RABEP1: variants seen among roughly 807,000 people sequenced by gnomAD.
The protein encoded by RABEP1 is rab GTPase-binding effector protein 1.
In RABEP1, 51 loss-of-function variants were observed where a neutral mutation model predicts 123.4. The observed-to-expected ratio is 0.41, with a 90% CI of 0.33 to 0.52. The LOEUF (loss-of-function observed/expected upper bound fraction) is 0.52. Among genes scored for constraint, RABEP1 ranks in the 20% least tolerant of loss-of-function variants. The probability of loss-of-function intolerance (pLI) is 0.16; values close to 1 mark genes in which losing one functional copy is unlikely to be tolerated. For missense variants in RABEP1, 888 were observed against 996.3 expected, an observed-to-expected ratio of 0.89 and a Z score of 1.46; for synonymous variants, 347 against 355.2, an observed-to-expected ratio of 0.98 and a Z score of 0.26.
chr17:5,300,018 G>A (rs1358048966), intron 1 of RABEP1, among the ~76,000 whole-genome samples: 1 of 151,928 alleles, frequency 6.6e-6, no homozygotes, highest in African/African-American at 2.4e-5. Flanking sequence ...ATCAGCCACC[G>A]TGCCTGGCCT....
intron 17 of RABEP1, among the ~76,000 whole-genome samples, chr17:5,382,585 C>G (rs1161583240): frequency 4.6e-5 from 7 of 151,926 alleles, no homozygotes; most frequent in South Asian, 4.2e-4. Flanking sequence ...AACCCCGTCT[C>G]TACTTAAAAT....
intron 8 of RABEP1, among the ~76,000 whole-genome samples, chr17:5,354,709 G>A (rs1487028872): frequency 2.6e-5 from 4 of 152,166 alleles, no homozygotes; most frequent in African/African-American, 9.6e-5. Context: ...TGAAATAGAT[G>A]TTCTTTTTTC....
At chr17:5,346,406 G>A (rs1186758176) in intron 5 of RABEP1, among the ~76,000 whole-genome samples, 6 of 152,222 alleles carry the variant, frequency 3.9e-5, no homozygotes, top group South Asian at 2.1e-4. Flanking sequence ...GTATGGTATC[G>A]TTTTTGTCCT....
At position 5,386,141 on chromosome 17, in the gene RABEP1, T is replaced by G; in HGVS notation, c.*2918T>G. 1 of 1,227,084 alleles carries G rather than the reference T, an allele frequency of 8.1e-7. No homozygotes were observed. The highest frequency in any genetic ancestry group is 2.2e-5 in the Admixed American group (1 of 44,830). The allele number at this position is 1,227,084 out of a possible 1,614,324, so 76.0% of individuals were successfully genotyped here. On this transcript the variant is annotated 3_prime_UTR_variant, in exon 18 of 18. Coordinates refer to ENST00000537505, the MANE Select transcript of RABEP1 (RefSeq NM_004703.6). ...TTTATAAATTAGATAATTCTACCTG[T>G]TTTACAATATGGGTTTAAGCCTTCA...
At chr17:5,282,618 G>T (rs2074936709) in intron 1 of RABEP1, 98 bp downstream of exon 1, 1 of 858,390 alleles carries the variant, frequency 1.2e-6, no homozygotes, top group Non-Finnish European at 1.4e-6. Flanking sequence ...AAGGGCGCGC[G>T]CAGGCCCCGG....
Position 5,380,352 on chromosome 17 carries a change from C to T in RABEP1, c.2272-12C>T. On this transcript the variant is annotated splice_polypyrimidine_tract_variant and intron_variant, in intron 15 of 17. Transcript: ENST00000537505. ...GAGTTTCTGTGAGTTTCAGCTTTTT[C>T]CTTTTTCACAGTTGGAGTCCACATT... 6 of 1,528,482 alleles carry T rather than the reference C, an allele frequency of 3.9e-6. No individual in the cohort carries two copies. Among genetic ancestry groups the T allele is most frequent in the Non-Finnish European group, 5.3e-6 (6 of 1,128,608 alleles). 94.7% of individuals were successfully genotyped at this position (1,528,482 alleles called of 1,614,324 possible).
intron 3 of RABEP1, among the ~76,000 whole-genome samples, chr17:5,334,301 G>C (rs1343542184): frequency 6.6e-6 from 1 of 151,428 alleles, no homozygotes; most frequent in Non-Finnish European, 1.5e-5. Context: ...GCATGATCTC[G>C]GCTCACTGCA....
At chr17:5,296,503 C>G (rs1019464685) in intron 1 of RABEP1, among the ~76,000 whole-genome samples, 2 of 152,120 alleles carry the variant, frequency 1.3e-5, no homozygotes, top group African/African-American at 4.8e-5. Flanking sequence ...TCAGGTAATC[C>G]ACCCGCCTTG....
chr17:5,361,412 C>T lies in RABEP1; in HGVS notation c.1300C>T (p.Leu434=). 1.2e-6 allele frequency: 2 copies of T among 1,614,184 alleles called. No individual in the cohort carries two copies. Among genetic ancestry groups the T allele is most frequent in the South Asian group, 2.2e-5 (2 of 91,084 alleles). ...CTACAAAGCAAAATCTGCTGGAAAC[C>T]TGGACGAGTCAGATTTTGGACCACT... ...YNYKAKSAGN[L]DESDFGPLVG... Residue 434 remains leucine, a synonymous_variant, in exon 9 of 18, where the codon CTG becomes TTG. Transcript: ENST00000537505.
At chr17:5,296,785 A>C (rs1467480992) in intron 1 of RABEP1, among the ~76,000 whole-genome samples, 1 of 152,052 alleles carries the variant, frequency 6.6e-6, no homozygotes, top group Non-Finnish European at 1.5e-5. Flanking sequence ...CTCACTCTGT[A>C]GCTCCAGCTG....
intron 1 of RABEP1, among the ~76,000 whole-genome samples, chr17:5,306,904 G>A (rs2144515750): frequency 6.6e-6 from 1 of 152,272 alleles, no homozygotes; most frequent in East Asian, 1.9e-4. Context: ...AAAAGAGAAT[G>A]GTTGTATGAG....
chr17:5,315,552 A>G (rs1261339415), intron 2 of RABEP1, among the ~76,000 whole-genome samples: 2 of 152,226 alleles, frequency 1.3e-5, no homozygotes, highest in Non-Finnish European at 1.5e-5. Context: ...CAAACAGGAA[A>G]AATAATAGTA....
rs181225031 is a variant in RABEP1 at position 5,384,281 on chromosome 17, T to C, written c.*1058T>C. On this transcript the variant is annotated 3_prime_UTR_variant, in exon 18 of 18. Transcript: ENST00000537505. ...GTCATTTTACAAGCATTAGATTCCT[T>C]TCCTGTGTGAAGAAAGCCTCAGTGA... 1.2e-4 allele frequency: 25 copies of C among 213,954 alleles called. No individual in the cohort carries two copies. The highest frequency in any genetic ancestry group is 2.3e-4 in the Non-Finnish European group (24 of 105,892). The allele number at this position is 213,954 out of a possible 1,614,324, so 13.3% of individuals were successfully genotyped here.
intron 2 of RABEP1, among the ~76,000 whole-genome samples, chr17:5,311,169 C>G (rs570092515): frequency 5.3e-5 from 8 of 152,086 alleles, no homozygotes; most frequent in Admixed American, 5.2e-4. Flanking sequence ...TGGCTTCCCC[C>G]CTCAGAGACG....
At chr17:5,338,229 C>G (rs1282804468) in intron 5 of RABEP1, 91 bp downstream of exon 5, 2 of 1,410,134 alleles carry the variant, frequency 1.4e-6, no homozygotes, top group East Asian at 2.4e-5. Context: ...GGAAAAAAAC[C>G]TGTAATTTAG....
chr17:5,337,413 C>T (rs969795753), intron 4 of RABEP1, among the ~76,000 whole-genome samples: 13 of 152,166 alleles, frequency 8.5e-5, no homozygotes, highest in Admixed American at 3.3e-4. Context: ...GGGCTGGGCG[C>T]GGTGGCTCAC....
At chr17:5,305,745 CAAT>C (rs2144512211) in intron 1 of RABEP1, among the ~76,000 whole-genome samples, 1 of 152,212 alleles carries the variant, frequency 6.6e-6, no homozygotes, top group East Asian at 1.9e-4. Context: ...GTGGATTTAA[CAAT>C]AAAAATACCA....
rs200561684 is a variant in RABEP1, at chr17:5,323,819, A to AATATAT, written c.164-8121_164-8116dup. 3.4e-3 allele frequency among the ~76,000 whole-genome samples: 239 copies of AATATAT among 70,898 alleles called. 26 individuals carry two copies. The highest frequency in any genetic ancestry group is 8.4e-3 in the East Asian group (16 of 1,916). 46.5% of individuals were successfully genotyped at this position (70,898 alleles called of 152,430 possible). A position where few individuals can be genotyped will look rare whatever the true frequency, so the allele number is the denominator to read the frequency against. ...CTAGGAATATATATATATATCTAGG[A>AATATAT]ATATATATATATATCTAGGAATATA... On this transcript the variant is annotated intron_variant, in intron 2 of 17. Transcript: ENST00000537505.
intron 17 of RABEP1, 29 bp from the exon 18 acceptor site, chr17:5,383,093 C>G (rs754687723): frequency 6.3e-7 from 1 of 1,598,524 alleles, no homozygotes; most frequent in South Asian, 1.1e-5. Context: ...CAGGAGCCAC[C>G]TGTAGTTATC....
Sources: gnomAD v4.1 joint callset for allele counts (sites outside exome capture counted in the v4.1 genomes callset) on GRCh38, gnomAD v4.1.1 for gene constraint, MANE v1.5 for transcripts, NCBI Gene and HGNC (gene_info 2026-07-23, HGNC 2026-07-21) for gene names.